The following SCAPER variants were observed in gnomAD, a reference collection of about 807,000 sequenced individuals.
SCAPER encodes the protein S phase cyclin A-associated protein in the endoplasmic reticulum.
In SCAPER, 98 loss-of-function variants were observed where a neutral mutation model predicts 182.2. The observed-to-expected ratio is 0.54, with a 90% confidence interval of 0.46 to 0.64. SCAPER has a LOEUF of 0.64. Ranked by LOEUF, SCAPER falls within the 30% of genes least tolerant of loss-of-function variation. The pLI is 0.00. For missense variants in SCAPER, 1,432 were observed against 1,690.0 expected, an observed-to-expected ratio of 0.85 and a Z score of 2.68; for synonymous variants, 605 against 564.6, an observed-to-expected ratio of 1.07 and a Z score of -1.01.
intron 5 of SCAPER, among the ~76,000 whole-genome samples, chr15:76,820,132 C>T (rs2067414782): frequency 1.3e-5 from 2 of 152,112 alleles, no homozygotes; most frequent in South Asian, 4.2e-4. Flanking sequence ...CACTTTTACA[C>T]TGTTGGTGGG....
Position 76,753,958 on chromosome 15 carries a change from G to A in SCAPER, c.1726-10C>T. On this transcript the variant is annotated splice_polypyrimidine_tract_variant and intron_variant, in intron 14 of 31. Coordinates refer to ENST00000563290, the MANE Select transcript of SCAPER (RefSeq NM_020843.4). The stretch of plus-strand genomic sequence containing the variant: ...TCCGGACATCCTTCTCCTACGTATA[G>A]TGAATCATCACATCCTTAATTTCAA... The A allele has an allele frequency of 1.9e-6, 3 of 1,610,094 alleles. No individual in the cohort carries two copies. The highest frequency in any genetic ancestry group is 2.2e-5 in the South Asian group (2 of 90,460).
intron 30 of SCAPER, among the ~76,000 whole-genome samples, chr15:76,353,712 GA>G (rs1028439258): frequency 4.6e-5 from 7 of 152,260 alleles, no homozygotes; most frequent in Admixed American, 4.6e-4. Context: ...TCATTAACTA[GA>G]AAAGTATCCT....
intron 5 of SCAPER, among the ~76,000 whole-genome samples, chr15:76,835,184 C>T (rs1217502985): frequency 6.6e-6 from 1 of 150,458 alleles, no homozygotes; most frequent in Non-Finnish European, 1.5e-5. Flanking sequence ...TTCACAATAG[C>T]CACACACACA....
intron 29 of SCAPER, among the ~76,000 whole-genome samples, chr15:76,362,170 A>G (rs1365619053): frequency 6.6e-6 from 1 of 151,912 alleles, no homozygotes; most frequent in African/African-American, 2.4e-5. Context: ...ACGGGGTTTC[A>G]CCATGTTGGC....
At chr15:76,764,372 G>A (rs2151273145) in intron 14 of SCAPER, among the ~76,000 whole-genome samples, 1 of 152,094 alleles carries the variant, frequency 6.6e-6, no homozygotes, top group East Asian at 1.9e-4. Context: ...CTGGTAGGTG[G>A]GAGCCAAGGC....
chr15:76,570,064 A>G (rs900993378), intron 23 of SCAPER, among the ~76,000 whole-genome samples: 8 of 152,084 alleles, frequency 5.3e-5, no homozygotes, highest in Non-Finnish European at 1.0e-4. Flanking sequence ...TTAGGTTGCT[A>G]TTATCTTTCT....
intron 27 of SCAPER, among the ~76,000 whole-genome samples, chr15:76,391,209 A>T (rs757645807): frequency 6.6e-6 from 1 of 152,148 alleles, no homozygotes; most frequent in East Asian, 1.9e-4. Context: ...GGGTCTTTAC[A>T]TGCCTGGTTC....
chr15:76,435,831 A>G (rs2047164171), intron 25 of SCAPER, among the ~76,000 whole-genome samples: 1 of 152,206 alleles, frequency 6.6e-6, no homozygotes, highest in South Asian at 2.1e-4. Context: ...ATGGCTGTTT[A>G]GAAGTCTCTA....
At chr15:76,826,070 G>A (rs1176179306) in intron 5 of SCAPER, among the ~76,000 whole-genome samples, 6 of 151,978 alleles carry the variant, frequency 3.9e-5, no homozygotes, top group African/African-American at 1.2e-4. Flanking sequence ...TTTCTATGTT[G>A]CAGTCATTAT....
At chr15:76,356,048 A>G (rs1401600222) in intron 29 of SCAPER, among the ~76,000 whole-genome samples, 1 of 152,096 alleles carries the variant, frequency 6.6e-6, no homozygotes, top group Non-Finnish European at 1.5e-5. Flanking sequence ...ACTGATGAGA[A>G]CCCCCAACCC....
chr15:76,595,776 A>G (rs539022949), intron 22 of SCAPER, among the ~76,000 whole-genome samples: 4 of 122,482 alleles, frequency 3.3e-5, no homozygotes, highest in East Asian at 2.2e-4. Flanking sequence ...GGGAAGAAAT[A>G]CAAAATGTTC....
intron 29 of SCAPER, among the ~76,000 whole-genome samples, chr15:76,374,252 G>A (rs1466405598): frequency 5.3e-5 from 8 of 151,782 alleles, no homozygotes; most frequent in Non-Finnish European, 1.0e-4. Context: ...AGCTGGGCAC[G>A]GTGGTGGGTG....
At chr15:76,614,463 TCATA>T (rs2051278334) in intron 22 of SCAPER, among the ~76,000 whole-genome samples, 1 of 152,150 alleles carries the variant, frequency 6.6e-6, no homozygotes, top group Admixed American at 6.5e-5. Flanking sequence ...AAGATAGATG[TCATA>T]CAATGTGTAT....
At chr15:76,605,633 G>A (rs2050319801) in intron 22 of SCAPER, among the ~76,000 whole-genome samples, 1 of 152,148 alleles carries the variant, frequency 6.6e-6, no homozygotes, top group Non-Finnish European at 1.5e-5. Flanking sequence ...GTAGAATTCG[G>A]CTGTGAATCC....
chr15:76,506,108 G>T (rs1035714528), intron 23 of SCAPER, among the ~76,000 whole-genome samples: 9 of 151,662 alleles, frequency 5.9e-5, no homozygotes, highest in East Asian at 1.9e-4. Context: ...GAAGGGTAGT[G>T]GGGGGGACGG....
intron 2 of SCAPER, among the ~76,000 whole-genome samples, chr15:76,883,355 G>T (rs2073676415): frequency 6.6e-6 from 1 of 152,136 alleles, no homozygotes; most frequent in South Asian, 2.1e-4. Flanking sequence ...AGTAAAGTGT[G>T]GGAGACAGAA....
At chr15:76,701,083 G>A (rs1194871732) in intron 20 of SCAPER, among the ~76,000 whole-genome samples, 1 of 111,332 alleles carries the variant, frequency 9.0e-6, no homozygotes, top group Non-Finnish European at 1.9e-5. Context: ...CTTGACTAAT[G>A]AATGCCATAC....
chr15:76,693,049 T>G (rs960500764), intron 20 of SCAPER, among the ~76,000 whole-genome samples: 1 of 152,190 alleles, frequency 6.6e-6, no homozygotes, highest in Non-Finnish European at 1.5e-5. Flanking sequence ...TATCTCTTCT[T>G]GTTGCTCTGT....
intron 8 of SCAPER, among the ~76,000 whole-genome samples, chr15:76,791,282 G>A (rs756727261): frequency 5.3e-5 from 8 of 152,140 alleles, no homozygotes; most frequent in Non-Finnish European, 1.2e-4. Context: ...CAGTGAAGGA[G>A]CTTGTGCTAA....
Sources: allele counts gnomAD v4.1 joint callset (sites outside exome capture counted in the v4.1 genomes callset), GRCh38; gene constraint gnomAD v4.1.1; transcripts MANE v1.5; gene names NCBI Gene and HGNC (gene_info 2026-07-23, HGNC 2026-07-21).